UBE2K: variants seen among roughly 807,000 people sequenced by gnomAD.
UBE2K encodes ubiquitin-conjugating enzyme E2 K.
In UBE2K, 6 loss-of-function variants were observed where a neutral mutation model predicts 30.0. The ratio of observed to expected loss-of-function variants is 0.20; its 90% CI spans 0.11 to 0.39. The LOEUF (loss-of-function observed/expected upper bound fraction) is 0.39, where lower values mean the gene tolerates loss of function less well. Among genes scored for constraint, UBE2K ranks in the 10% least tolerant of loss-of-function variants. The probability of loss-of-function intolerance (pLI) is 1.00; values close to 1 mark genes in which losing one functional copy is unlikely to be tolerated. For missense variants in UBE2K, 61 were observed against 241.6 expected (o/e 0.25, Z 4.96); for synonymous variants, 86 against 83.7 (o/e 1.03, Z -0.15).
chr4:39,725,228 C>A (rs1277095942), intron 1 of UBE2K, among the ~76,000 whole-genome samples: 1 of 151,746 alleles, frequency 6.6e-6, no homozygotes, highest in African/African-American at 2.4e-5. Context: ...ACAGAAAATA[C>A]AAATATTAAC....
At chr4:39,771,509 C>T (rs1712839855) in intron 4 of UBE2K, 3 of 1,433,472 alleles carry the variant, frequency 2.1e-6, no homozygotes, top group Non-Finnish European at 1.8e-6. Context: ...TCCCCACCCC[C>T]GCGGGGCCGG....
In UBE2K at chr4:39,729,055, G is replaced by A. The variant is rs570085217; in HGVS notation, c.64-8365G>A. 5.4e-5 allele frequency among the ~76,000 whole-genome samples: 8 copies of A among 148,628 alleles called. No individual in the cohort carries two copies. In the South Asian group the frequency reaches 8.5e-4, roughly 16 times the overall value. On this transcript the variant is annotated intron_variant, in intron 1 of 6. Coordinates refer to ENST00000261427, the MANE Select transcript of UBE2K (RefSeq NM_005339.5). The stretch of plus-strand genomic sequence containing the variant: ...TCTGTCTCGGCTTACTGCTCCCTCC[G>A]TGTCTTGGATTCAAGCAGTTCTCCT...
At chr4:39,700,428 T>G (rs1224939404) in intron 1 of UBE2K, among the ~76,000 whole-genome samples, 1 of 152,186 alleles carries the variant, frequency 6.6e-6, no homozygotes, top group Non-Finnish European at 1.5e-5. Context: ...TGTATAAATA[T>G]GGAAGGAAAC....
Position 39,766,948 on chromosome 4 carries a change from A to T in UBE2K, c.300-7886A>T, listed in dbSNP as rs184607659. On this transcript the variant is annotated intron_variant, in intron 4 of 6. Coordinates refer to ENST00000261427, the MANE Select transcript of UBE2K (RefSeq NM_005339.5). ...GTGTTTTTAATAGAGATGGTGTTTTACCATGTTGGCCAGGCTGGTCTCGAA... is the reference window on the plus strand; with the variant it reads ...GTGTTTTTAATAGAGATGGTGTTTTTCCATGTTGGCCAGGCTGGTCTCGAA... 1.4e-3 allele frequency among the ~76,000 whole-genome samples: 217 copies of T among 151,938 alleles called. 1 individual carries two copies. Among genetic ancestry groups the T allele is most frequent in the Admixed American group, 3.1e-3 (47 of 15,260 alleles).
chr4:39,759,744 A>G (rs542785580), intron 4 of UBE2K, among the ~76,000 whole-genome samples: 8 of 152,342 alleles, frequency 5.3e-5, no homozygotes, highest in African/African-American at 1.4e-4. Context: ...AAAAGACACA[A>G]ACAGGCACAG....
chr4:39,767,145 C>G (rs184708605), intron 4 of UBE2K, among the ~76,000 whole-genome samples: 18 of 152,222 alleles, frequency 1.2e-4, no homozygotes, highest in African/African-American at 4.3e-4. Context: ...GGAATCATTG[C>G]CAAATTCAGT....
At chr4:39,731,209 A>G (rs527567064) in intron 1 of UBE2K, among the ~76,000 whole-genome samples, 26 of 141,196 alleles carry the variant, frequency 1.8e-4, no homozygotes, top group Non-Finnish European at 3.8e-4. Flanking sequence ...TACTCTTTTC[A>G]ATGTGGATAT....
At chr4:39,770,211 C>T in intron 4 of UBE2K, 10 of 1,611,210 alleles carry the variant, frequency 6.2e-6, no homozygotes, top group Non-Finnish European at 8.5e-6. Context: ...GCAGTAGGAG[C>T]AGCGGTAGGG....
chr4:39,714,633 G>A (rs1387517710), intron 1 of UBE2K, among the ~76,000 whole-genome samples: 1 of 142,954 alleles, frequency 7.0e-6, no homozygotes, highest in African/African-American at 2.6e-5. Context: ...TGCAGCCTCC[G>A]ACTCCCTGGT....
At chr4:39,771,704 C>T (rs900376258) in intron 4 of UBE2K, among the ~76,000 whole-genome samples, 1 of 152,130 alleles carries the variant, frequency 6.6e-6, no homozygotes, top group Non-Finnish European at 1.5e-5. Flanking sequence ...GGACTCAAAC[C>T]CTGGAGTTTC....
intron 3 of UBE2K, among the ~76,000 whole-genome samples, chr4:39,746,905 G>A (rs1721014748): frequency 6.6e-6 from 1 of 152,096 alleles, no homozygotes; most frequent in Non-Finnish European, 1.5e-5. Flanking sequence ...GTATTATTTT[G>A]GATATGTATC....
intron 2 of UBE2K, 35 bp from the exon 3 acceptor site, chr4:39,745,717 C>T (rs1165369699): frequency 2.1e-6 from 3 of 1,406,120 alleles, no homozygotes; most frequent in African/African-American, 2.9e-5. Flanking sequence ...TTGAATTGAG[C>T]AGCATTCTTA....
intron 3 of UBE2K, among the ~76,000 whole-genome samples, chr4:39,751,391 A>G (rs528110423): frequency 1.1e-4 from 16 of 152,246 alleles, no homozygotes; most frequent in Non-Finnish European, 1.6e-4. Flanking sequence ...GCTGAACGCC[A>G]TATCCTGCTT....
At chr4:39,706,973 C>T (rs963267591) in intron 1 of UBE2K, among the ~76,000 whole-genome samples, 2 of 152,054 alleles carry the variant, frequency 1.3e-5, no homozygotes, top group Non-Finnish European at 2.9e-5. Flanking sequence ...GTGGCTTTAT[C>T]TCGGCTCACT....
At chr4:39,760,391 G>A (rs977219476) in intron 4 of UBE2K, among the ~76,000 whole-genome samples, 3 of 151,858 alleles carry the variant, frequency 2.0e-5, no homozygotes, top group Non-Finnish European at 2.9e-5. Flanking sequence ...TAGCCCCAAC[G>A]GGAAATAACT....
intron 1 of UBE2K, among the ~76,000 whole-genome samples, chr4:39,730,737 T>A (rs1262900695): frequency 6.8e-6 from 1 of 147,550 alleles, no homozygotes; most frequent in African/African-American, 2.5e-5. Flanking sequence ...GCCACTGCAC[T>A]CCAGCCTGGG....
At chr4:39,744,106 GCCCACCTCAGCCT>G (rs1720856142) in intron 2 of UBE2K, among the ~76,000 whole-genome samples, 1 of 152,088 alleles carries the variant, frequency 6.6e-6, no homozygotes, top group Non-Finnish European at 1.5e-5. Context: ...CAAGTGATCT[GCCCACCTCAGCCT>G]CCCAAAGTGC....
chr4:39,768,166 C>T (rs556287495), intron 4 of UBE2K, among the ~76,000 whole-genome samples: 4 of 151,294 alleles, frequency 2.6e-5, no homozygotes, highest in South Asian at 4.2e-4. Flanking sequence ...CGGGCCATTG[C>T]GGTGTCTTAC....
At chr4:39,767,531 G>A (rs1216763349) in intron 4 of UBE2K, among the ~76,000 whole-genome samples, 2 of 151,908 alleles carry the variant, frequency 1.3e-5, no homozygotes, top group Non-Finnish European at 2.9e-5. Flanking sequence ...CACCATGTTT[G>A]CCAGGATGGT....
Sources: allele counts gnomAD v4.1 joint callset (sites outside exome capture counted in the v4.1 genomes callset), GRCh38; gene constraint gnomAD v4.1.1; transcripts MANE v1.5; gene names NCBI Gene and HGNC (gene_info 2026-07-23, HGNC 2026-07-21).